KCNAB1: variants seen among roughly 807,000 people sequenced by gnomAD.
KCNAB1 encodes the protein voltage-gated potassium channel subunit beta-1.
In KCNAB1, 35 loss-of-function variants were observed where a neutral mutation model predicts 64.6. That is an observed-to-expected ratio of 0.54 (90% CI 0.41 to 0.72). The LOEUF (loss-of-function observed/expected upper bound fraction) is 0.72, where lower values mean the gene tolerates loss of function less well. KCNAB1 is among the 30% of genes least tolerant of loss of function. KCNAB1 has a pLI of 0.00. For missense variants in KCNAB1, 401 were observed against 512.9 expected (o/e 0.78, Z 2.11); for synonymous variants, 177 against 183.8 (o/e 0.96, Z 0.30).
chr3:156,123,733 T>C (rs1190625861), intron 1 of KCNAB1, among the ~76,000 whole-genome samples: 1 of 152,172 alleles, frequency 6.6e-6, no homozygotes. Context: ...TGAGGGAGGA[T>C]GGGGCAGGGG....
intron 12 of KCNAB1, among the ~76,000 whole-genome samples, chr3:156,525,192 C>T (rs1020996753): frequency 6.6e-6 from 1 of 151,948 alleles, no homozygotes; most frequent in African/African-American, 2.4e-5. Context: ...TTATGCAGGC[C>T]CTTCAGGAGG....
rs368761986 is a variant in KCNAB1 at position 156,354,047 on chromosome 3, ATGTG to A, written c.276-67545_276-67542del. Among the ~76,000 whole-genome samples the A allele has an allele frequency of 7.7e-3, 1,063 of 137,576 alleles. 7 individuals are homozygous for A. Among genetic ancestry groups the A allele is most frequent in the East Asian group, 0.022 (110 of 4,926 alleles). The allele number at this position is 137,576 out of a possible 152,430, so 90.3% of individuals were successfully genotyped here. ...TGTCATAATGTGTGTGTGTATATAT[ATGTG>A]TGTGTGTGTGTGTGTGTGTGTGTAT... On this transcript the variant is annotated intron_variant, in intron 1 of 13. Coordinates refer to ENST00000490337, the MANE Select transcript of KCNAB1 (RefSeq NM_172160.3).
At chr3:156,493,780 C>T (rs1015933394) in intron 8 of KCNAB1, among the ~76,000 whole-genome samples, 1 of 152,054 alleles carries the variant, frequency 6.6e-6, no homozygotes, top group African/African-American at 2.4e-5. Context: ...GAATGTTCTT[C>T]AGTTGGAGTT....
At chr3:156,218,786 C>CAAAAAA (rs1228783831) in intron 1 of KCNAB1, among the ~76,000 whole-genome samples, 36 of 92,532 alleles carry the variant, frequency 3.9e-4, no homozygotes, top group Non-Finnish European at 4.9e-4. Context: ...CCCAGAACAG[C>CAAAAAA]AAAAAAAAAA....
intron 8 of KCNAB1, among the ~76,000 whole-genome samples, chr3:156,502,246 A>G (rs1716494980): frequency 6.6e-6 from 1 of 152,172 alleles, no homozygotes; most frequent in South Asian, 2.1e-4. Context: ...AAATGGGTAA[A>G]GTGGAAGGGA....
In KCNAB1 at chr3:156,333,622, C is replaced by T. The variant is rs78217126; in HGVS notation, c.276-87994C>T. Among the ~76,000 whole-genome samples, 1,390 of 152,224 alleles carry T rather than the reference C, an allele frequency of 9.1e-3. 21 individuals are homozygous for T. The highest frequency in any genetic ancestry group is 0.033 in the African/African-American group (1,352 of 41,542). ...AGCACAACACATGCATTTTTGTATA[C>T]AGCTATGAGTATATTTATAAGAGAT... On this transcript the variant is annotated intron_variant, in intron 1 of 13. Coordinates refer to ENST00000490337, the MANE Select transcript of KCNAB1 (RefSeq NM_172160.3).
chr3:156,313,893 A>C (rs981807387), intron 1 of KCNAB1, among the ~76,000 whole-genome samples: 1 of 152,228 alleles, frequency 6.6e-6, no homozygotes, highest in African/African-American at 2.4e-5. Flanking sequence ...GTGTGGCGTG[A>C]AATTCCTTTT....
chr3:156,530,204 C>A (rs933711080), intron 12 of KCNAB1, among the ~76,000 whole-genome samples: 1 of 151,934 alleles, frequency 6.6e-6, no homozygotes, highest in South Asian at 2.1e-4. Flanking sequence ...GTGATGGGGG[C>A]GGTGGGATCA....
At chr3:156,122,746 T>C (rs184382535) in intron 1 of KCNAB1, among the ~76,000 whole-genome samples, 2 of 152,338 alleles carry the variant, frequency 1.3e-5, no homozygotes, top group Non-Finnish European at 2.9e-5. Flanking sequence ...CATCCTCCTT[T>C]ATTATTGCAG....
intron 12 of KCNAB1, among the ~76,000 whole-genome samples, chr3:156,529,031 A>G (rs2108420129): frequency 6.6e-6 from 1 of 152,278 alleles, no homozygotes; most frequent in East Asian, 1.9e-4. Context: ...AGAGATGGTG[A>G]GGGCCTGAGT....
At chr3:156,343,994 C>T (rs1260765372) in intron 1 of KCNAB1, among the ~76,000 whole-genome samples, 1 of 152,058 alleles carries the variant, frequency 6.6e-6, no homozygotes, top group Admixed American at 6.6e-5. Flanking sequence ...TTGCTAAAAC[C>T]ACGTCTTGAT....
intron 1 of KCNAB1, among the ~76,000 whole-genome samples, chr3:156,201,649 C>T (rs777385634): frequency 6.6e-6 from 1 of 152,166 alleles, no homozygotes; most frequent in African/African-American, 2.4e-5. Flanking sequence ...AATGACATTG[C>T]GGCAGGGGAG....
At chr3:156,215,538 G>A (rs1337056134) in intron 1 of KCNAB1, 10 of 152,230 alleles carry the variant, frequency 6.6e-5, no homozygotes, top group African/African-American at 2.4e-4. Flanking sequence ...GGGGGTTGGT[G>A]GTACATGAAG....
intron 7 of KCNAB1, 22 bp from the exon 8 acceptor site, chr3:156,474,712 T>C (rs771340970): frequency 1.1e-5 from 17 of 1,593,018 alleles, no homozygotes; most frequent in Non-Finnish European, 1.4e-5. Context: ...TTTTGGGGTT[T>C]GTTTCCTGCT....
At chr3:156,399,439 G>T (rs963208110) in intron 1 of KCNAB1, among the ~76,000 whole-genome samples, 2 of 152,146 alleles carry the variant, frequency 1.3e-5, no homozygotes, top group Non-Finnish European at 2.9e-5. Flanking sequence ...CCGAATATGT[G>T]CTAGGAATCC....
At chr3:156,490,840 T>G (rs1402647091) in intron 8 of KCNAB1, among the ~76,000 whole-genome samples, 1 of 152,036 alleles carries the variant, frequency 6.6e-6, no homozygotes, top group East Asian at 1.9e-4. Flanking sequence ...AGATGGAAAG[T>G]GCCCACTCAG....
chr3:156,494,321 A>G (rs752432380), intron 8 of KCNAB1, among the ~76,000 whole-genome samples: 1 of 152,002 alleles, frequency 6.6e-6, no homozygotes, highest in Non-Finnish European at 1.5e-5. Flanking sequence ...TGTTTGACTG[A>G]TTGGGAAGCA....
At chr3:156,147,240 G>A (rs181239843) in intron 1 of KCNAB1, among the ~76,000 whole-genome samples, 20 of 152,278 alleles carry the variant, frequency 1.3e-4, no homozygotes, top group Admixed American at 1.2e-3. Flanking sequence ...TTAGAGACAA[G>A]CCAGTTGCTC....
intron 1 of KCNAB1, among the ~76,000 whole-genome samples, chr3:156,127,263 T>C (rs531771353): frequency 2.0e-5 from 3 of 152,342 alleles, no homozygotes; most frequent in Admixed American, 6.5e-5. Context: ...TTTTTTTTCC[T>C]AGAAAAAGCT....
Sources: allele counts gnomAD v4.1 joint callset (sites outside exome capture counted in the v4.1 genomes callset), GRCh38; gene constraint gnomAD v4.1.1; transcripts MANE v1.5; gene names NCBI Gene and HGNC (gene_info 2026-07-23, HGNC 2026-07-21).